Variants in CATSPERD observed in about 807,000 individuals in gnomAD.
CATSPERD encodes catsper channel auxiliary subunit delta, also known as cation channel sperm-associated auxiliary subunit delta.
A neutral mutation model predicts 98.1 loss-of-function variants in CATSPERD; 86 were observed. The ratio of observed to expected loss-of-function variants is 0.88; its 90% CI spans 0.74 to 1.05. CATSPERD has a LOEUF of 1.05. Ranked by LOEUF, CATSPERD falls within the 50% of genes least tolerant of loss-of-function variation. The pLI is 0.00. For missense variants in CATSPERD, 995 were observed against 1,005.7 expected, an observed-to-expected ratio of 0.99 and a Z score of 0.14; for synonymous variants, 394 against 390.2, an observed-to-expected ratio of 1.01 and a Z score of -0.12.
rs777755788 is a variant in CATSPERD, at chr19:5,778,540, G to A, written c.2261G>A (p.Arg754Lys). 3 of 1,613,852 alleles carry A rather than the reference G, an allele frequency of 1.9e-6. No individual in the cohort carries two copies. Among genetic ancestry groups the A allele is most frequent in the South Asian group, 1.1e-5 (1 of 91,090 alleles). ...PKLLRTARGR[R>K]IKKCATQLCR... ...CTGCTACGCACAGCACGCGGCCGCAGGATCAAGAAGTGTGCGACACAGCTG... is the reference window on the plus strand; with the variant it reads ...CTGCTACGCACAGCACGCGGCCGCAAGATCAAGAAGTGTGCGACACAGCTG... The change falls in exon 22 of 22, where the codon AGG becomes AAG. Residue 754 changes from arginine (R) to lysine (K), a missense_variant. This residue lies in a region of CATSPERD where 762 missense variants were observed against 773.7 expected (regional missense o/e 0.98). Transcript: ENST00000381624.
intron 17 of CATSPERD, among the ~76,000 whole-genome samples, chr19:5,766,882 G>A (rs2056547749): frequency 6.6e-6 from 1 of 151,510 alleles, no homozygotes; most frequent in Non-Finnish European, 1.5e-5. Context: ...TAGTAGAAAC[G>A]GGGTTTCACC....
intron 7 of CATSPERD, among the ~76,000 whole-genome samples, chr19:5,741,800 G>GGGGGGGGGGGGGGGGT (rs2055976568): frequency 1.3e-5 from 1 of 75,796 alleles, no homozygotes; most frequent in Non-Finnish European, 3.3e-5. Context: ...GGGGGGGGGT[G>GGGGGGGGGGGGGGGGT]GTGTGGATCA....
At chr19:5,760,027 T>C (rs1161264628) in intron 15 of CATSPERD, among the ~76,000 whole-genome samples, 1 of 141,486 alleles carries the variant, frequency 7.1e-6, no homozygotes. Flanking sequence ...TGAGCCGAGA[T>C]TGTGGCACTG....
At chr19:5,744,384 A>G in intron 7 of CATSPERD, 43 bp from the exon 8 acceptor site, 1 of 1,489,746 alleles carries the variant, frequency 6.7e-7, no homozygotes, top group Non-Finnish European at 9.3e-7. Flanking sequence ...ACACATGTGT[A>G]TTAAGATTTA....
intron 20 of CATSPERD, among the ~76,000 whole-genome samples, chr19:5,773,398 C>T (rs1048166644): frequency 3.3e-5 from 5 of 152,098 alleles, no homozygotes; most frequent in East Asian, 1.9e-4. Context: ...GACCGAAGGA[C>T]GGGAAATGCA....
At chr19:5,750,689 C>T (rs142917142) in intron 11 of CATSPERD, among the ~76,000 whole-genome samples, 1,909 of 150,768 alleles carry the variant, frequency 0.013, 45 homozygotes, top group African/African-American at 0.044. Flanking sequence ...GAGCCGAGAT[C>T]GTGCCACTGC....
In CATSPERD at chr19:5,751,655, C is replaced by T. The variant is rs2056223688; in HGVS notation, c.996C>T (p.Asp332=). Residue 332 remains aspartate (D), a synonymous_variant, in exon 12 of 22, where the codon GAC becomes GAT. Coordinates refer to ENST00000381624, the MANE Select transcript of CATSPERD (RefSeq NM_152784.4). ...IVPSSIIKFA[D]QYIWSEDVAL... ...AATCATTTTCTTCTTAGTTTGCAGA[C>T]CAATACATCTGGTCAGAAGACGTGG... The T allele has an allele frequency of 1.3e-6, 2 of 1,578,092 alleles. No individual in the cohort carries two copies. The highest frequency in any genetic ancestry group is 2.7e-5 in the African/African-American group (2 of 73,298).
intron 16 of CATSPERD, among the ~76,000 whole-genome samples, chr19:5,764,303 T>G (rs1009139620): frequency 3.0e-4 from 45 of 151,736 alleles, no homozygotes; most frequent in Non-Finnish European, 5.4e-4. Context: ...TCTTGCTTTT[T>G]GGTTTGCTTT....
At chr19:5,730,324 C>T (rs1460646780) in intron 4 of CATSPERD, among the ~76,000 whole-genome samples, 1 of 151,718 alleles carries the variant, frequency 6.6e-6, no homozygotes, top group Non-Finnish European at 1.5e-5. Flanking sequence ...GCGGGCAGAT[C>T]ACAAGGTCAA....
chr19:5,761,018 GT>G (rs1255689705), intron 15 of CATSPERD, among the ~76,000 whole-genome samples: 6 of 141,046 alleles, frequency 4.3e-5, no homozygotes, highest in East Asian at 2.1e-4. Context: ...GTTTTGTGAA[GT>G]TTTTTTTATT....
At chr19:5,770,013 C>T (rs755270555) in intron 18 of CATSPERD, among the ~76,000 whole-genome samples, 10 of 150,018 alleles carry the variant, frequency 6.7e-5, no homozygotes, top group Middle Eastern at 3.5e-3. Flanking sequence ...TTCTTCAACC[C>T]GGGAGGCGGA....
At chr19:5,740,479 C>T (rs1025874160) in intron 7 of CATSPERD, among the ~76,000 whole-genome samples, 4 of 151,552 alleles carry the variant, frequency 2.6e-5, no homozygotes, top group East Asian at 1.9e-4. Flanking sequence ...CCCAGCTACC[C>T]GGGAGGCTGA....
At chr19:5,778,333 A>G (rs775195352) in intron 21 of CATSPERD, 43 bp from the exon 22 acceptor site, 63 of 1,555,792 alleles carry the variant, frequency 4.0e-5, no homozygotes, top group Admixed American at 1.8e-4. Context: ...AAGTCCCCCA[A>G]AGGCAATGCC....
chr19:5,759,287 C>T (rs1037462435), intron 15 of CATSPERD, 143 bp downstream of exon 15: 8 of 792,584 alleles, frequency 1.0e-5, no homozygotes, highest in East Asian at 5.2e-5. Context: ...AAGAGCTGGG[C>T]GCGGTGGCTC....
Position 5,751,722 on chromosome 19 carries a change from C to A in CATSPERD, c.1063C>A (p.Pro355Thr). 1 of 1,613,834 alleles carries A rather than the reference C, an allele frequency of 6.2e-7. No individual in the cohort carries two copies. The highest frequency in any genetic ancestry group is 8.5e-7 in the Non-Finnish European group (1 of 1,179,954). ...RSPGTLEILT[P>T]LRDTAFPAFD... ...CCCAGGGACTCTGGAAATACTGACC[C>A]CACTGCGTGACACAGCCTTTCCAGC... The change falls in exon 12 of 22, where the codon CCA becomes ACA. Residue 355 changes from proline (P) to threonine (T), a missense_variant. Physicochemically the swap from Pro to Thr is conservative, Grantham distance 38 (BLOSUM62 -1). Around this residue, in one of 3 missense-constraint regions of CATSPERD, gnomAD observed 762 missense variants for 773.7 expected, o/e 0.98. Coordinates refer to ENST00000381624, the MANE Select transcript of CATSPERD (RefSeq NM_152784.4).
chr19:5,752,805 A>C (rs1568359763), intron 12 of CATSPERD, among the ~76,000 whole-genome samples: 1 of 152,142 alleles, frequency 6.6e-6, no homozygotes, highest in East Asian at 1.9e-4. Flanking sequence ...AGGCGGGCGG[A>C]TCACCTGAGG....
intron 8 of CATSPERD, among the ~76,000 whole-genome samples, chr19:5,745,347 A>C (rs2056073941): frequency 1.3e-5 from 2 of 150,484 alleles, no homozygotes; most frequent in Non-Finnish European, 3.0e-5. Flanking sequence ...GGCCGGGTGC[A>C]GTGGCTCACG....
chr19:5,730,957 C>T (rs924948309), intron 4 of CATSPERD, among the ~76,000 whole-genome samples: 5 of 151,350 alleles, frequency 3.3e-5, no homozygotes, highest in African/African-American at 9.7e-5. Context: ...GCCGAGATCG[C>T]GCCACTGCAC....
At chr19:5,720,894 A>G in intron 1 of CATSPERD, 86 bp downstream of exon 1, 1 of 1,074,040 alleles carries the variant, frequency 9.3e-7, no homozygotes, top group Non-Finnish European at 1.3e-6. Context: ...CCTGCTCCCC[A>G]ACCTCACTGA....
Sources: allele counts gnomAD v4.1 joint callset (sites outside exome capture counted in the v4.1 genomes callset), GRCh38; gene constraint gnomAD v4.1.1; regional missense constraint gnomAD v4.1.1; transcripts MANE v1.5; gene names NCBI Gene and HGNC (gene_info 2026-07-23, HGNC 2026-07-21).